Variants in IQCH observed in about 807,000 individuals in gnomAD.
IQCH encodes IQ motif containing H, also known as IQ domain-containing protein H.
Under a neutral mutation model 117.0 loss-of-function variants are expected in IQCH, and 98 were observed. That is an observed-to-expected ratio of 0.84 (90% CI 0.71 to 0.99). The LOEUF (loss-of-function observed/expected upper bound fraction) is 0.99, where lower values mean the gene tolerates loss of function less well. Among genes scored for constraint, IQCH ranks in the 50% least tolerant of loss-of-function variants. The probability of loss-of-function intolerance (pLI) is 0.00; values close to 1 mark genes in which losing one functional copy is unlikely to be tolerated. For synonymous variants in IQCH, 412 were observed against 448.2 expected (o/e 0.92, Z 1.02); for missense variants, 1,102 against 1,243.8 (o/e 0.89, Z 1.72).
chr15:67,310,845 T>C (rs1967555904), intron 4 of IQCH, among the ~76,000 whole-genome samples: 1 of 152,224 alleles, frequency 6.6e-6, no homozygotes, highest in East Asian at 1.9e-4. Flanking sequence ...TTTTTGAAAC[T>C]CAGTGACTGT....
chr15:67,492,776 A>T (rs2083696537), intron 19 of IQCH, among the ~76,000 whole-genome samples: 1 of 152,168 alleles, frequency 6.6e-6, no homozygotes, highest in Non-Finnish European at 1.5e-5. Flanking sequence ...GGGCCACAGG[A>T]AGAGCAGTGC....
chr15:67,354,305 T>C (rs1969794118), intron 6 of IQCH, among the ~76,000 whole-genome samples: 2 of 152,032 alleles, frequency 1.3e-5, no homozygotes, highest in African/African-American at 4.8e-5. Context: ...TTTAGCAATA[T>C]AATTCACCAT....
At chr15:67,289,516 C>T (rs748789863) in intron 4 of IQCH, among the ~76,000 whole-genome samples, 11 of 152,072 alleles carry the variant, frequency 7.2e-5, no homozygotes, top group Non-Finnish European at 1.6e-4. Context: ...GTGCTAGTTA[C>T]ACCATTCATT....
chr15:67,318,712 A>T (rs1349276476), intron 4 of IQCH, among the ~76,000 whole-genome samples: 1 of 152,188 alleles, frequency 6.6e-6, no homozygotes, highest in Non-Finnish European at 1.5e-5. Flanking sequence ...GGAATAAAAA[A>T]CTCAGCGTAG....
In IQCH at chr15:67,413,831, G is replaced by A. The variant is rs1169007500; in HGVS notation, c.2098-3100G>A. Among the ~76,000 whole-genome samples the A allele has an allele frequency of 6.6e-6, 1 of 152,164 alleles. No individual in the cohort carries two copies. Among genetic ancestry groups the A allele is most frequent in the Admixed American group, 6.5e-5 (1 of 15,274 alleles). On this transcript the variant is annotated intron_variant, in intron 14 of 20. Transcript: ENST00000335894. The surrounding 1 kb of genome is among the most constrained non-coding windows in gnomAD (Gnocchi z 5.0). ...ACGATTACTCCTCCAGATTCCAGCAGCCGACTTTCCTCTAGGAAATTTACC... is the reference window on the plus strand; with the variant it reads ...ACGATTACTCCTCCAGATTCCAGCAACCGACTTTCCTCTAGGAAATTTACC...
chr15:67,324,102 C>G (rs1191742225), intron 4 of IQCH, among the ~76,000 whole-genome samples: 2 of 151,450 alleles, frequency 1.3e-5, no homozygotes, highest in African/African-American at 4.8e-5. Context: ...CACCACCAGG[C>G]CTGGCTAATT....
rs567332294 is a variant in IQCH, at chr15:67,256,809, A to C, written c.51+1862A>C. Among the ~76,000 whole-genome samples the C allele has an allele frequency of 4.6e-5, 7 of 152,332 alleles. No homozygotes were observed. The East Asian group carries it at 1.2e-3, about 25-fold the overall frequency. ...TACTTATTTAAAAGGATTCCTGTGG[A>C]CATATCAAGTAAAGGGCTGTGTAGA... On this transcript the variant is annotated intron_variant, in intron 1 of 20. Coordinates refer to ENST00000335894, the MANE Select transcript of IQCH (RefSeq NM_001031715.3).
Position 67,373,432 on chromosome 15 carries a change from AG to A in IQCH, c.1372+1del. 6.2e-7 allele frequency: 1 copy of A among 1,601,816 alleles called. No homozygotes were observed. On this transcript the variant is annotated frameshift_variant and splice_region_variant, in exon 10 of 21. Transcript: ENST00000335894. LOFTEE classifies it high-confidence loss of function. ...RRTIIHIPSLGYSQPVREHIA... is the reference protein window; with the variant it reads ...RRTIIHIPSLXYSQPVREHIA... ...GGACTATTATCCATATCCCATCATT[AG>A]GTATAACACTTTTGCCTGCAAATCT...
In IQCH at chr15:67,313,122, G is replaced by T. The variant is rs184278910; in HGVS notation, c.388-23853G>T. ...TGGGCAATATGACCTGAAAATACCA[G>T]ATTTATATAATTGATTATTTATATT... On this transcript the variant is annotated intron_variant, in intron 4 of 20. Transcript: ENST00000335894. Among the ~76,000 whole-genome samples the T allele has an allele frequency of 4.6e-5, 7 of 152,140 alleles. No individual in the cohort carries two copies. The East Asian group carries it at 1.4e-3, about 29-fold the overall frequency.
intron 4 of IQCH, among the ~76,000 whole-genome samples, chr15:67,319,043 T>C (rs1203138596): frequency 6.6e-6 from 1 of 152,088 alleles, no homozygotes; most frequent in Non-Finnish European, 1.5e-5. Context: ...CTGGCGAACA[T>C]GGTGAAACCC....
At chr15:67,455,102 G>A (rs142649051) in intron 16 of IQCH, among the ~76,000 whole-genome samples, 1 of 152,286 alleles carries the variant, frequency 6.6e-6, no homozygotes, top group East Asian at 1.9e-4. Flanking sequence ...CCTTGTGGGT[G>A]TGAAGGAGCA....
At chr15:67,452,160 G>A (rs969918660) in intron 16 of IQCH, among the ~76,000 whole-genome samples, 3 of 152,038 alleles carry the variant, frequency 2.0e-5, no homozygotes, top group Non-Finnish European at 4.4e-5. Context: ...CACACTGATG[G>A]GTCTTGACTC....
chr15:67,423,668 G>A (rs574917007), intron 16 of IQCH, among the ~76,000 whole-genome samples: 26 of 151,482 alleles, frequency 1.7e-4, no homozygotes, highest in African/African-American at 4.8e-4. Context: ...TTTGGGAGGC[G>A]CAGGCGGGTG....
At chr15:67,277,834 A>G (rs917755018) in intron 3 of IQCH, among the ~76,000 whole-genome samples, 5 of 152,110 alleles carry the variant, frequency 3.3e-5, no homozygotes, top group African/African-American at 4.8e-5. Context: ...CGCCTGGCCC[A>G]GTATCTTTGT....
rs1398706913 is a variant in IQCH, at chr15:67,365,643, A to G, written c.753+5758A>G. Among the ~76,000 whole-genome samples, 1 of 152,200 alleles carries G rather than the reference A, an allele frequency of 6.6e-6. No individual in the cohort carries two copies. Among genetic ancestry groups the G allele is most frequent in the African/African-American group, 2.4e-5 (1 of 41,454 alleles). On this transcript the variant is annotated intron_variant, in intron 8 of 20. Transcript: ENST00000335894. The surrounding 1 kb of genome is among the most constrained non-coding windows in gnomAD (Gnocchi z 4.4). The stretch of plus-strand genomic sequence containing the variant: ...AATAAACCAGAATACATATGTAGGT[A>G]TAGAAGCCACGCACGGTGGCTCACG...
intron 14 of IQCH, among the ~76,000 whole-genome samples, chr15:67,415,001 C>T (rs1442866859): frequency 1.3e-5 from 2 of 152,138 alleles, no homozygotes; most frequent in Non-Finnish European, 2.9e-5. Flanking sequence ...ATTGTCCCAG[C>T]TTTGGGGCAC....
At position 67,500,715 on chromosome 15, in the gene IQCH, A is replaced by G; in HGVS notation, c.3053A>G (p.Asp1018Gly). 1 of 1,600,228 alleles carries G rather than the reference A, an allele frequency of 6.2e-7. No individual in the cohort carries two copies. The change falls in exon 21 of 21, where the codon GAT (aspartate) becomes GGT (glycine). Residue 1018 changes from aspartate to glycine, a missense_variant. Physicochemically the swap from Asp to Gly is moderately conservative, Grantham distance 94 (BLOSUM62 -1). Transcript: ENST00000335894. The surrounding 1 kb of genome is among the most constrained non-coding windows in gnomAD (Gnocchi z 4.4). ...MRFEEEQQSK[D>G]DKNLSKPKK ...TTTGAAGAGGAGCAACAGTCCAAAG[A>G]TGATAAAAACCTCTCTAAACCCAAG...
chr15:67,482,888 A>G (rs2083376434), intron 18 of IQCH, among the ~76,000 whole-genome samples: 1 of 152,196 alleles, frequency 6.6e-6, no homozygotes, highest in African/African-American at 2.4e-5. Flanking sequence ...TGCCTGGGGA[A>G]AATGTTGTTA....
intron 4 of IQCH, among the ~76,000 whole-genome samples, chr15:67,291,730 A>C (rs1378830750): frequency 1.3e-5 from 2 of 152,164 alleles, no homozygotes; most frequent in Non-Finnish European, 2.9e-5. Flanking sequence ...CAGGGTAAAA[A>C]TTTTACTGAT....
Sources: allele counts gnomAD v4.1 joint callset (sites outside exome capture counted in the v4.1 genomes callset), GRCh38; gene constraint gnomAD v4.1.1; non-coding constraint Gnocchi (gnomAD v3.1); transcripts MANE v1.5; gene names NCBI Gene and HGNC (gene_info 2026-07-23, HGNC 2026-07-21).